The following CAMTA1 variants were observed in gnomAD, a reference collection of about 807,000 sequenced individuals.
CAMTA1 encodes the protein calmodulin-binding transcription activator 1.
Under a neutral mutation model 170.9 loss-of-function variants are expected in CAMTA1, and 27 were observed. The ratio of observed to expected loss-of-function variants is 0.16; its 90% CI spans 0.12 to 0.22. The LOEUF (loss-of-function observed/expected upper bound fraction) is 0.22, where lower values mean the gene tolerates loss of function less well. Ranked by LOEUF, CAMTA1 falls within the 10% of genes least tolerant of loss-of-function variation. CAMTA1 has a pLI of 1.00. For missense variants in CAMTA1, 1,619 were observed against 2,217.2 expected, an observed-to-expected ratio of 0.73 and a Z score of 5.42; for synonymous variants, 833 against 891.5, an observed-to-expected ratio of 0.93 and a Z score of 1.17.
chr1:7,104,140 TAC>T lies in CAMTA1; in HGVS notation c.302+12775_302+12776del, dbSNP rs577149401. Among the ~76,000 whole-genome samples, 70 of 143,956 alleles carry T rather than the reference TAC, an allele frequency of 4.9e-4. 1 individual carries two copies. The highest frequency in any genetic ancestry group is 1.8e-3 in the African/African-American group (68 of 37,870). The allele number at this position is 143,956 out of a possible 152,430, so 94.4% of individuals were successfully genotyped here. ...CACACAACACACATAACTACACACG[TAC>T]ACACAACACACATATGCATACAACT... On this transcript the variant is annotated intron_variant, in intron 4 of 22. Transcript: ENST00000303635.
At chr1:7,467,243 C>T (rs1297355381) in intron 5 of CAMTA1, among the ~76,000 whole-genome samples, 1 of 152,136 alleles carries the variant, frequency 6.6e-6, no homozygotes, top group Non-Finnish European at 1.5e-5. Context: ...GATTACTTAA[C>T]AAATATATGA....
At chr1:7,288,127 C>A (rs187397840) in intron 5 of CAMTA1, among the ~76,000 whole-genome samples, 13 of 152,282 alleles carry the variant, frequency 8.5e-5, no homozygotes, top group Admixed American at 7.8e-4. Context: ...TACAGAGAGG[C>A]CACCTGACCT....
rs1318833449 is a variant in CAMTA1 at position 7,463,094 on chromosome 1, T to G, written c.439-4736T>G. Among the ~76,000 whole-genome samples, 1 of 152,192 alleles carries G rather than the reference T, an allele frequency of 6.6e-6. No individual in the cohort carries two copies. Among genetic ancestry groups the G allele is most frequent in the Admixed American group, 6.5e-5 (1 of 15,272 alleles). On this transcript the variant is annotated intron_variant, in intron 5 of 22. Transcript: ENST00000303635. This position sits in a 1 kb window ranked among gnomAD's most constrained non-coding sequence, Gnocchi z 4.7. ...CTATAGGTGGGCACATAAGGCCTCC[T>G]GGGGCCGGGGGTTCATGTGAGCAGG...
At chr1:7,550,521 T>C (rs12408411) in intron 6 of CAMTA1, among the ~76,000 whole-genome samples, 58,011 of 147,270 alleles carry the variant, frequency 0.39, 11,854 homozygotes, top group Non-Finnish European at 0.45. Context: ...GGCCTCGCCC[T>C]CTGTCCCCTC....
chr1:7,072,633 G>C (rs1467413683), intron 3 of CAMTA1, among the ~76,000 whole-genome samples: 1 of 152,202 alleles, frequency 6.6e-6, no homozygotes, highest in Non-Finnish European at 1.5e-5. Context: ...AAGAAAGTGG[G>C]GTGGAGGGCC....
Position 7,635,256 on chromosome 1 carries a change from G to A in CAMTA1, c.511-5144G>A, listed in dbSNP as rs1397060571. Among the ~76,000 whole-genome samples the A allele has an allele frequency of 2.0e-5, 3 of 152,102 alleles. No homozygotes were observed. The highest frequency in any genetic ancestry group is 2.9e-5 in the Non-Finnish European group (2 of 68,016). The stretch of plus-strand genomic sequence containing the variant: ...GGCCTGACAGGGTGGTGAACCCCAC[G>A]GAAACATCAGGGCAGCCTGGGCAAG... On this transcript the variant is annotated intron_variant, in intron 6 of 22. Transcript: ENST00000303635. This position sits in a 1 kb window ranked among gnomAD's most constrained non-coding sequence, Gnocchi z 4.4.
chr1:7,398,221 A>T (rs1243199656), intron 5 of CAMTA1, among the ~76,000 whole-genome samples: 8 of 119,502 alleles, frequency 6.7e-5, no homozygotes, highest in Non-Finnish European at 1.4e-4. Flanking sequence ...ATATATATAT[A>T]TATATATATA....
chr1:7,342,268 G>A (rs985316116), intron 5 of CAMTA1, among the ~76,000 whole-genome samples: 11 of 152,302 alleles, frequency 7.2e-5, no homozygotes, highest in Admixed American at 2.0e-4. Context: ...GCAGCAAGGT[G>A]GATGCAGAGC....
rs533357299 is a variant in CAMTA1 at position 7,398,371 on chromosome 1, T to A, written c.439-69459T>A. On this transcript the variant is annotated intron_variant, in intron 5 of 22. Transcript: ENST00000303635. ...TCTTTTTACAGCTTTTGATTTAAAG[T>A]CTGTTTTATCTGATATAAGTATGGC... Among the ~76,000 whole-genome samples the A allele has an allele frequency of 3.3e-5, 5 of 151,572 alleles. No homozygotes were observed. The South Asian group carries it at 6.2e-4, about 19-fold the overall frequency.
intron 5 of CAMTA1, among the ~76,000 whole-genome samples, chr1:7,350,318 T>A (rs2084562842): frequency 6.6e-6 from 1 of 152,210 alleles, no homozygotes; most frequent in Admixed American, 6.5e-5. Context: ...GATGTTGTTT[T>A]GCAGAGAGTC....
chr1:7,310,700 C>CTCTCTTTCTTTCTTTCTT (rs1361709842), intron 5 of CAMTA1, among the ~76,000 whole-genome samples: 2 of 53,492 alleles, frequency 3.7e-5, no homozygotes, highest in East Asian at 7.3e-4. Context: ...CTCTCTCTCT[C>CTCTCTTTCTTTCTTTCTT]TCTTTCTTTC....
intron 6 of CAMTA1, among the ~76,000 whole-genome samples, chr1:7,598,778 A>T (rs2095419728): frequency 6.6e-6 from 1 of 151,690 alleles, no homozygotes; most frequent in Non-Finnish European, 1.5e-5. Context: ...CCACTTTTTG[A>T]TGGGGTTGTT....
intron 4 of CAMTA1, among the ~76,000 whole-genome samples, chr1:7,112,905 C>T (rs1403241877): frequency 6.6e-6 from 1 of 152,158 alleles, no homozygotes; most frequent in Non-Finnish European, 1.5e-5. Flanking sequence ...CTGCTTTGGG[C>T]TCAGGCTTCT....
intron 5 of CAMTA1, among the ~76,000 whole-genome samples, chr1:7,409,859 C>T (rs926823294): frequency 6.6e-6 from 1 of 152,224 alleles, no homozygotes; most frequent in Non-Finnish European, 1.5e-5. Flanking sequence ...CTTTTGGAAT[C>T]GGACAAATCA....
Position 7,732,072 on chromosome 1 carries a change from C to G in CAMTA1, c.2915-376C>G, listed in dbSNP as rs2096738049. ...TTCTTGCTGTGATTGCTTTCTTCTA[C>G]TAGTTTAATTTAAATTGTATTTATT... is the stretch of plus-strand genomic sequence containing the variant. On this transcript the variant is annotated intron_variant, in intron 11 of 22. Transcript: ENST00000303635. The surrounding 1 kb of genome is among the most constrained non-coding windows in gnomAD (Gnocchi z 4.1). 6.8e-6 allele frequency among the ~76,000 whole-genome samples: 1 copy of G among 146,988 alleles called. No homozygotes were observed. Among genetic ancestry groups the G allele is most frequent in the Non-Finnish European group, 1.5e-5 (1 of 66,996 alleles).
chr1:7,152,346 A>AT (rs1646624574), intron 4 of CAMTA1, among the ~76,000 whole-genome samples: 1 of 152,114 alleles, frequency 6.6e-6, no homozygotes, highest in South Asian at 2.1e-4. Flanking sequence ...TCCCCCTTCC[A>AT]TATAAGTCTC....
At chr1:7,402,852 C>T (rs2090006748) in intron 5 of CAMTA1, among the ~76,000 whole-genome samples, 1 of 152,194 alleles carries the variant, frequency 6.6e-6, no homozygotes, top group South Asian at 2.1e-4. Flanking sequence ...CTTTCTCAGA[C>T]AGTGTCCCTG....
At chr1:7,175,702 A>T (rs763075578) in intron 4 of CAMTA1, among the ~76,000 whole-genome samples, 46 of 152,242 alleles carry the variant, frequency 3.0e-4, no homozygotes, top group Non-Finnish European at 5.7e-4. Context: ...TTAGTCCATC[A>T]AACACTGCCT....
Position 7,594,342 on chromosome 1 carries a change from C to G in CAMTA1, c.511-46058C>G, listed in dbSNP as rs1319696763. 1.3e-5 allele frequency among the ~76,000 whole-genome samples: 2 copies of G among 151,948 alleles called. 1 individual carries two copies. Among genetic ancestry groups the G allele is most frequent in the Non-Finnish European group, 2.9e-5 (2 of 68,000 alleles). On this transcript the variant is annotated intron_variant, in intron 6 of 22. Transcript: ENST00000303635. ...AGAATGTTCCAGACAGGGGGACCAG[C>G]CGGGGTAAAGGCACCAAGGCTGGGA...
Sources: gnomAD v4.1 joint callset for allele counts (sites outside exome capture counted in the v4.1 genomes callset) on GRCh38, gnomAD v4.1.1 for gene constraint, Gnocchi (gnomAD v3.1) non-coding constraint, MANE v1.5 for transcripts, NCBI Gene and HGNC (gene_info 2026-07-23, HGNC 2026-07-21) for gene names.